STIM2: variants seen among roughly 807,000 people sequenced by gnomAD.
The protein encoded by STIM2 is stromal interaction molecule 2.
In STIM2, 31 loss-of-function variants were observed where a neutral mutation model predicts 85.8. The ratio of observed to expected loss-of-function variants is 0.36; its 90% CI spans 0.27 to 0.49. The LOEUF is 0.49. Ranked by LOEUF, STIM2 falls within the 20% of genes least tolerant of loss-of-function variation. The pLI is 0.98. For synonymous variants in STIM2, 356 were observed against 331.1 expected, an observed-to-expected ratio of 1.08 and a Z score of -0.82; for missense variants, 841 against 927.6, an observed-to-expected ratio of 0.91 and a Z score of 1.21.
chr4:27,009,999 G>A (rs6856381), intron 10 of STIM2, among the ~76,000 whole-genome samples: 48,301 of 151,940 alleles, frequency 0.32, 7,746 homozygotes, highest in East Asian at 0.39. Context: ...TTTGGGTTGG[G>A]GGCAGAGGTA....
chr4:27,003,654 A>T (rs756781218), intron 7 of STIM2, among the ~76,000 whole-genome samples: 1 of 152,026 alleles, frequency 6.6e-6, no homozygotes, highest in Non-Finnish European at 1.5e-5. Context: ...AGACAGATGC[A>T]TTAGTTTCCT....
intron 3 of STIM2, among the ~76,000 whole-genome samples, chr4:26,987,343 G>C (rs191439557): frequency 1.4e-4 from 21 of 152,300 alleles, no homozygotes; most frequent in Admixed American, 2.6e-4. Flanking sequence ...AGAAGAAAGG[G>C]AAACTGGGTG....
chr4:26,868,171 A>G (rs1577404034), intron 1 of STIM2, among the ~76,000 whole-genome samples: 1 of 152,090 alleles, frequency 6.6e-6, no homozygotes, highest in Middle Eastern at 3.4e-3. Flanking sequence ...GATAGTGGTA[A>G]CTCCCCTCCA....
chr4:27,014,265 C>A (rs1221576813), intron 10 of STIM2, among the ~76,000 whole-genome samples: 1 of 151,806 alleles, frequency 6.6e-6, no homozygotes, highest in Non-Finnish European at 1.5e-5. Context: ...ACACCTCCCA[C>A]ATGAATTTTA....
chr4:26,896,363 C>T (rs1219137161), intron 1 of STIM2, among the ~76,000 whole-genome samples: 2 of 152,172 alleles, frequency 1.3e-5, no homozygotes, highest in African/African-American at 4.8e-5. Flanking sequence ...TGTAATGTAT[C>T]ATAATCACAG....
At chr4:27,004,408 A>G (rs916678247) in intron 7 of STIM2, among the ~76,000 whole-genome samples, 1 of 152,198 alleles carries the variant, frequency 6.6e-6, no homozygotes, top group African/African-American at 2.4e-5. Flanking sequence ...AGAAGTGGGT[A>G]CTATGCCCTT....
intron 2 of STIM2, among the ~76,000 whole-genome samples, chr4:26,952,122 C>T (rs1726077146): frequency 6.6e-6 from 1 of 152,058 alleles, no homozygotes; most frequent in Non-Finnish European, 1.5e-5. Context: ...CGGGTCCCTC[C>T]CACAACAGGT....
At chr4:27,007,371 T>C (rs1402438823) in intron 7 of STIM2, among the ~76,000 whole-genome samples, 162 bp from the exon 8 acceptor site, 1 of 151,908 alleles carries the variant, frequency 6.6e-6, no homozygotes, top group Non-Finnish European at 1.5e-5. Context: ...TTAATTTTAA[T>C]GCTAGAAATC....
chr4:27,017,786 C>G lies in STIM2; in HGVS notation c.1565C>G (p.Ser522Cys), dbSNP rs1418309193. ...CGTTCACGCCGCAGCATTGTGCCGT[C>G]CTCGCCTCAGCCTCAGCGAGCTCAG... The change falls in exon 11 of 12, where the codon TCC becomes TGC. Residue 522 changes from serine to cysteine, a missense_variant. Coordinates refer to ENST00000467087, the MANE Select transcript of STIM2 (RefSeq NM_020860.4). 6.2e-7 allele frequency: 1 copy of G among 1,614,150 alleles called. No homozygotes were observed. The highest frequency in any genetic ancestry group is 8.5e-7 in the Non-Finnish European group (1 of 1,180,034).
At chr4:26,946,564 G>C (rs1005047027) in intron 2 of STIM2, among the ~76,000 whole-genome samples, 1 of 152,242 alleles carries the variant, frequency 6.6e-6, no homozygotes, top group African/African-American at 2.4e-5. Flanking sequence ...GTGTGTGTGT[G>C]TGCGCACGCA....
chr4:26,893,750 G>A (rs1285466418), intron 1 of STIM2, among the ~76,000 whole-genome samples: 1 of 139,734 alleles, frequency 7.2e-6, no homozygotes, highest in Admixed American at 7.3e-5. Context: ...CCAGTGTCAC[G>A]AACATTGGTA....
At position 26,880,693 on chromosome 4, in the gene STIM2, A is replaced by G. The variant is rs1337406174; in HGVS notation, c.151+19324A>G. Among the ~76,000 whole-genome samples the G allele has an allele frequency of 2.0e-5, 3 of 147,388 alleles. No individual in the cohort carries two copies. In the East Asian group the frequency reaches 5.8e-4, roughly 29 times the overall value. Reference sequence around the variant, plus strand: ...TAAATATATATGTAAATATATATATATGTATATATATATCTAATTTTCTTT... The same window carrying G: ...TAAATATATATGTAAATATATATATGTGTATATATATATCTAATTTTCTTT... On this transcript the variant is annotated intron_variant, in intron 1 of 11. Transcript: ENST00000467087.
At chr4:26,992,675 C>CA (rs1161734278) in intron 3 of STIM2, among the ~76,000 whole-genome samples, 1 of 152,060 alleles carries the variant, frequency 6.6e-6, no homozygotes, top group East Asian at 1.9e-4. Context: ...ACAGCACGTA[C>CA]AGAGGCCCTG....
Position 26,861,375 on chromosome 4 carries a change from G to T in STIM2, c.151+6G>T. Reference sequence around the variant, plus strand: ...TAGCCCGGCGCTCATGACAGGTGAGGGGCCGGGGGGCGGCGGGCGGGGCTC... The same window carrying T: ...TAGCCCGGCGCTCATGACAGGTGAGTGGCCGGGGGGCGGCGGGCGGGGCTC... On this transcript the variant is annotated splice_donor_region_variant and intron_variant, in intron 1 of 11. Coordinates refer to ENST00000467087, the MANE Select transcript of STIM2 (RefSeq NM_020860.4). 1.5e-6 allele frequency: 2 copies of T among 1,290,954 alleles called. No individual in the cohort carries two copies. Among genetic ancestry groups the T allele is most frequent in the South Asian group, 2.4e-5 (1 of 41,454 alleles). The allele number at this position is 1,290,954 out of a possible 1,614,324, so 80.0% of individuals were successfully genotyped here.
At chr4:26,962,307 C>G (rs1378398841) in intron 3 of STIM2, among the ~76,000 whole-genome samples, 1 of 152,140 alleles carries the variant, frequency 6.6e-6, no homozygotes, top group Non-Finnish European at 1.5e-5. Context: ...TTCTCTCATT[C>G]AGTAATAATG....
chr4:27,019,115 A>G (rs1191192528), intron 11 of STIM2, among the ~76,000 whole-genome samples: 1 of 152,208 alleles, frequency 6.6e-6, no homozygotes, highest in Non-Finnish European at 1.5e-5. Context: ...AGGTATTGCC[A>G]CTGAGTAGCT....
At chr4:26,977,104 G>T (rs1349809481) in intron 3 of STIM2, among the ~76,000 whole-genome samples, 1 of 152,168 alleles carries the variant, frequency 6.6e-6, no homozygotes, top group East Asian at 1.9e-4. Context: ...GAGGTTTTTG[G>T]TTATAGATCA....
intron 5 of STIM2, among the ~76,000 whole-genome samples, chr4:26,999,919 T>C (rs1295947480): frequency 6.6e-6 from 1 of 152,184 alleles, no homozygotes; most frequent in Non-Finnish European, 1.5e-5. Flanking sequence ...AAATAAACCT[T>C]GTATTTATTT....
intron 3 of STIM2, among the ~76,000 whole-genome samples, chr4:26,973,306 C>T (rs1008486228): frequency 1.3e-5 from 2 of 152,050 alleles, no homozygotes; most frequent in Non-Finnish European, 2.9e-5. Context: ...GCTCTTGCTT[C>T]TCTAGTTCTT....
Sources: allele counts gnomAD v4.1 joint callset (sites outside exome capture counted in the v4.1 genomes callset), GRCh38; gene constraint gnomAD v4.1.1; transcripts MANE v1.5; gene names NCBI Gene and HGNC (gene_info 2026-07-23, HGNC 2026-07-21).